Variants in ELFN1 observed in about 807,000 individuals in gnomAD.
The protein encoded by ELFN1 is protein ELFN1.
Under a neutral mutation model 7.6 loss-of-function variants are expected in ELFN1, and 6 were observed. The observed-to-expected ratio is 0.79, with a 90% confidence interval of 0.43 to 1.56. The LOEUF is 1.56. ELFN1 is among the 40% of genes most tolerant of loss of function. The pLI, the probability that ELFN1 is intolerant of heterozygous loss-of-function variation, is 0.01. For missense variants in ELFN1, 1,169 were observed against 1,232.2 expected, an observed-to-expected ratio of 0.95 and a Z score of 0.77; for synonymous variants, 657 against 588.1, an observed-to-expected ratio of 1.12 and a Z score of -1.70.
rs1464120515 is a variant in ELFN1, at chr7:1,747,035, C to T, written c.2439C>T (p.His813=). 9 of 1,550,342 alleles carry T rather than the reference C, an allele frequency of 5.8e-6. No homozygotes were observed. Among genetic ancestry groups the T allele is most frequent in the East Asian group, 2.4e-5 (1 of 41,172 alleles). Residue 813 remains histidine, a synonymous_variant, in exon 4 of 4, where the codon CAC becomes CAT. Transcript: ENST00000424383. ...AGTTCGCCAAAGACGAGGATCTGCACGACATCCTGGACTACTGGAAGGGCG... is the reference window on the plus strand; with the variant it reads ...AGTTCGCCAAAGACGAGGATCTGCATGACATCCTGGACTACTGGAAGGGCG... ...KVQFAKDEDL[H]DILDYWKGVS... is the part of the protein sequence containing the mutation.
At chr7:1,716,905 C>T (rs899203228) in intron 3 of ELFN1, among the ~76,000 whole-genome samples, 2 of 152,032 alleles carry the variant, frequency 1.3e-5, no homozygotes, top group African/African-American at 2.4e-5. Context: ...GGGGCCAGGG[C>T]GCAGGCAGCC....
chr7:1,747,708 TG>T lies in ELFN1; in HGVS notation c.*628del. ...TCCTGGAGCCCTGCTGGACTCAGGG[TG>T]GGTGGAGGCTGTGCCTGTGGACGGC... On this transcript the variant is annotated 3_prime_UTR_variant, in exon 4 of 4. Coordinates refer to ENST00000424383, the MANE Select transcript of ELFN1 (RefSeq NM_001128636.4). 6.1e-6 allele frequency: 1 copy of T among 164,148 alleles called. No individual in the cohort carries two copies. 10.2% of individuals were successfully genotyped at this position (164,148 alleles called of 1,614,324 possible).
In ELFN1 at chr7:1,673,372, C is replaced by T. The variant is rs905501562; in HGVS notation, c.-549+3018C>T. 8.5e-5 allele frequency among the ~76,000 whole-genome samples: 13 copies of T among 152,112 alleles called. No individual in the cohort carries two copies. Among genetic ancestry groups the T allele is most frequent in the Admixed American group, 2.0e-4 (3 of 15,284 alleles). On this transcript the variant is annotated intron_variant, in intron 1 of 3. Coordinates refer to ENST00000424383, the MANE Select transcript of ELFN1 (RefSeq NM_001128636.4). This position sits in a 1 kb window ranked among gnomAD's most constrained non-coding sequence, Gnocchi z 4.7. ...TTCCAGCAGGGTGGGAGGCCTTGGT[C>T]GTTGGGGGCTGCTGCCTCCCTTCAC...
chr7:1,682,554 C>T (rs555327768), intron 1 of ELFN1, among the ~76,000 whole-genome samples: 1 of 152,172 alleles, frequency 6.6e-6, no homozygotes, highest in South Asian at 2.1e-4. Context: ...GATCTCCTCA[C>T]CACAGCCTCC....
intron 1 of ELFN1, among the ~76,000 whole-genome samples, chr7:1,675,357 G>A (rs1191917661): frequency 6.6e-6 from 1 of 152,238 alleles, no homozygotes; most frequent in East Asian, 1.9e-4. Context: ...CGTGACAGGT[G>A]CACACCCCGG....
At chr7:1,669,610 T>G (rs1467282051), upstream of ELFN1, among the ~76,000 whole-genome samples, 2 of 152,190 alleles carry the variant, frequency 1.3e-5, no homozygotes, top group African/African-American at 4.8e-5. Context: ...AGGCAGGTTG[T>G]CAGGGTGAAA....
chr7:1,714,103 G>A (rs1779753809), intron 3 of ELFN1, among the ~76,000 whole-genome samples: 1 of 152,174 alleles, frequency 6.6e-6, no homozygotes, highest in Admixed American at 6.5e-5. Flanking sequence ...TGAGTTAGTG[G>A]CTCAGTGACC....
At chr7:1,734,351 A>G (rs1780388688) in intron 3 of ELFN1, among the ~76,000 whole-genome samples, 1 of 152,174 alleles carries the variant, frequency 6.6e-6, no homozygotes. Context: ...TCTCCCTCCA[A>G]CGGCGCCACA....
At chr7:1,693,795 G>A (rs1290968233) in intron 2 of ELFN1, 2 of 470,202 alleles carry the variant, frequency 4.3e-6, no homozygotes, top group Middle Eastern at 3.3e-4. Context: ...CACGGGGTGC[G>A]GGACACGTGG....
At chr7:1,677,457 C>T (rs1242379301) in intron 1 of ELFN1, among the ~76,000 whole-genome samples, 2 of 152,176 alleles carry the variant, frequency 1.3e-5, no homozygotes, top group Admixed American at 6.5e-5. Context: ...GGAGCAGGCA[C>T]GCATGTTCAC....
At chr7:1,682,595 C>T (rs1778992876) in intron 1 of ELFN1, among the ~76,000 whole-genome samples, 1 of 140,548 alleles carries the variant, frequency 7.1e-6, no homozygotes, top group Non-Finnish European at 1.5e-5. Context: ...CGTGTGCCAT[C>T]ATGCCAGGAT....
chr7:1,667,016 G>A (rs978497100), upstream of ELFN1, among the ~76,000 whole-genome samples: 2 of 151,826 alleles, frequency 1.3e-5, no homozygotes, highest in African/African-American at 2.4e-5. The surrounding 1 kb of genome is among the most constrained non-coding windows in gnomAD (Gnocchi z 8.2). Flanking sequence ...GAGTGGGGCG[G>A]GACCCCGGGG....
At chr7:1,669,980 C>A (rs1374117506), upstream of ELFN1, among the ~76,000 whole-genome samples, 1 of 151,386 alleles carries the variant, frequency 6.6e-6, no homozygotes, top group Admixed American at 6.6e-5. Context: ...CCAGCCCCTG[C>A]GCGTCGCCGG....
At chr7:1,697,245 C>T (rs983929326) in intron 2 of ELFN1, among the ~76,000 whole-genome samples, 13 of 152,208 alleles carry the variant, frequency 8.5e-5, no homozygotes, top group African/African-American at 3.1e-4. Flanking sequence ...GAGGGTCTCA[C>T]GCCCATATTC....
Position 1,747,212 on chromosome 7 carries a change from G to A in ELFN1, c.*129G>A. The A allele has an allele frequency of 1.8e-6, 2 of 1,115,394 alleles. No homozygotes were observed. Among genetic ancestry groups the A allele is most frequent in the African/African-American group, 3.2e-5 (2 of 62,796 alleles). 69.1% of individuals were successfully genotyped at this position (1,115,394 alleles called of 1,614,324 possible). On this transcript the variant is annotated 3_prime_UTR_variant, in exon 4 of 4. Coordinates refer to ENST00000424383, the MANE Select transcript of ELFN1 (RefSeq NM_001128636.4). ...CAGCGGGGGGCCCTGCAGAGGCGAG[G>A]GGGGAGCGAGTGGGGACAGACAAGG...
Position 1,745,171 on chromosome 7 carries a change from TCTA to T in ELFN1, c.578_580del (p.Tyr193del). 6.5e-7 allele frequency: 1 copy of T among 1,548,978 alleles called. No individual in the cohort carries two copies. The highest frequency in any genetic ancestry group is 8.7e-7 in the Non-Finnish European group (1 of 1,146,970). On this transcript the variant is annotated inframe_deletion, in exon 4 of 4. Transcript: ENST00000424383. ...GTGTGCGAGCTCTACAGCAACCCCT[TCTA>T]CTGCTCCTGCGAGCTGCTGGGCTTC...
rs1780850832 is a variant in ELFN1, at chr7:1,747,797, T to A, written c.*714T>A. ...CCCCCAGCCCAGCCCCCATGTACAC[T>A]GTAGTCGTTCTATTGTACAGAAAAA... is the stretch of plus-strand genomic sequence containing the variant. On this transcript the variant is annotated 3_prime_UTR_variant, in exon 4 of 4. Coordinates refer to ENST00000424383, the MANE Select transcript of ELFN1 (RefSeq NM_001128636.4). The A allele has an allele frequency of 6.0e-6, 1 of 165,516 alleles. No individual in the cohort carries two copies. 10.3% of individuals were successfully genotyped at this position (165,516 alleles called of 1,614,324 possible). A position where few individuals can be genotyped will look rare whatever the true frequency, so the allele number is the denominator to read the frequency against.
chr7:1,712,050 G>T (rs912051810), intron 3 of ELFN1, among the ~76,000 whole-genome samples: 10 of 152,254 alleles, frequency 6.6e-5, no homozygotes, highest in African/African-American at 2.4e-4. Flanking sequence ...GGATGGGACA[G>T]TGGTTGGGAG....
intron 1 of ELFN1, among the ~76,000 whole-genome samples, chr7:1,675,196 C>A (rs1394148955): frequency 6.6e-6 from 1 of 152,214 alleles, no homozygotes; most frequent in African/African-American, 2.4e-5. Flanking sequence ...CCCCACCCCA[C>A]AGAAGCGCAT....
Sources: allele counts gnomAD v4.1 joint callset (sites outside exome capture counted in the v4.1 genomes callset), GRCh38; gene constraint gnomAD v4.1.1; non-coding constraint Gnocchi (gnomAD v3.1); transcripts MANE v1.5; gene names NCBI Gene and HGNC (gene_info 2026-07-23, HGNC 2026-07-21).